Variants in INTS9 observed in about 807,000 individuals in gnomAD.
INTS9 encodes the protein protein related to CPSF subunits of 74 kDa.
A neutral mutation model predicts 79.7 loss-of-function variants in INTS9; 55 were observed. The ratio of observed to expected loss-of-function variants is 0.69; its 90% CI spans 0.56 to 0.86. The LOEUF is 0.86. Ranked by LOEUF, INTS9 falls within the 40% of genes least tolerant of loss-of-function variation. The pLI is 0.00. For synonymous variants in INTS9, 319 were observed against 325.2 expected (o/e 0.98, Z 0.20); for missense variants, 721 against 831.5 (o/e 0.87, Z 1.64).
chr8:28,787,982 GAA>G, intron 10 of INTS9, 93 bp from the exon 11 acceptor site: 1 of 709,600 alleles, frequency 1.4e-6, no homozygotes. Flanking sequence ...ATTAAATACT[GAA>G]GTTTATTTAA....
chr8:28,856,527 T>C (rs558943886), intron 2 of INTS9, among the ~76,000 whole-genome samples: 2 of 152,168 alleles, frequency 1.3e-5, no homozygotes, highest in Admixed American at 1.3e-4. Context: ...GCTCAAGTGA[T>C]CCTCCTGCCT....
intron 9 of INTS9, 129 bp downstream of exon 9, chr8:28,796,415 T>C: frequency 1.7e-6 from 1 of 590,068 alleles, no homozygotes; most frequent in East Asian, 2.8e-5. Context: ...AAAGATATAC[T>C]GCCTCCCTCC....
intron 12 of INTS9, 56 bp downstream of exon 12, chr8:28,780,767 T>C: frequency 1.3e-6 from 2 of 1,589,666 alleles, no homozygotes; most frequent in African/African-American, 1.3e-5. Context: ...TGTAGGTGCA[T>C]TCACTCATGG....
At chr8:28,783,858 A>G (rs1803436241) in intron 11 of INTS9, 1 of 152,212 alleles carries the variant, frequency 6.6e-6, no homozygotes, top group South Asian at 2.1e-4. Flanking sequence ...AAAAGGGTCT[A>G]TTGTATCCTA....
At chr8:28,780,385 CT>C in intron 12 of INTS9, 1 of 985,216 alleles carries the variant, frequency 1.0e-6, no homozygotes, top group Non-Finnish European at 1.2e-6. Context: ...TGTAAACACT[CT>C]ACTTGACCTT....
At chr8:28,799,984 G>A (rs951162192) in intron 8 of INTS9, among the ~76,000 whole-genome samples, 3 of 152,136 alleles carry the variant, frequency 2.0e-5, no homozygotes, top group South Asian at 2.1e-4. Context: ...AACATCTCCC[G>A]GACATCTCTC....
At chr8:28,803,290 C>G (rs184885214) in intron 8 of INTS9, among the ~76,000 whole-genome samples, 3 of 152,186 alleles carry the variant, frequency 2.0e-5, no homozygotes, top group Non-Finnish European at 4.4e-5. Context: ...CTTTTCAAAC[C>G]AACATAATAC....
intron 1 of INTS9, among the ~76,000 whole-genome samples, chr8:28,867,320 G>A (rs534544428): frequency 6.6e-6 from 1 of 152,312 alleles, no homozygotes; most frequent in South Asian, 2.1e-4. Context: ...TTGGGAAGCT[G>A]AGGCAGGAGA....
At chr8:28,839,681 G>T (rs1054953959) in intron 4 of INTS9, among the ~76,000 whole-genome samples, 1 of 152,148 alleles carries the variant, frequency 6.6e-6, no homozygotes, top group African/African-American at 2.4e-5. Flanking sequence ...AAAAAAATAA[G>T]CAATGGGGAA....
chr8:28,884,485 G>A (rs568758690), intron 1 of INTS9, among the ~76,000 whole-genome samples: 12 of 152,052 alleles, frequency 7.9e-5, no homozygotes, highest in South Asian at 6.2e-4. Flanking sequence ...TGCTTGGCCC[G>A]ATATATTTTT....
At chr8:28,827,454 ATGAATGAATAAG>A (rs1437927851) in intron 6 of INTS9, among the ~76,000 whole-genome samples, 3 of 152,210 alleles carry the variant, frequency 2.0e-5, no homozygotes, top group East Asian at 1.9e-4. Context: ...GAATGAATAA[ATGAATGAATAAG>A]TGAATGAACA....
intron 8 of INTS9, among the ~76,000 whole-genome samples, chr8:28,808,350 C>T (rs1804929988): frequency 6.6e-6 from 1 of 152,074 alleles, no homozygotes. Flanking sequence ...AGCACCATCA[C>T]ACCGGTTAAT....
In INTS9 at chr8:28,813,540, C is replaced by T. The variant is rs1387536375; in HGVS notation, c.561G>A (p.Val187=). 2 of 1,613,568 alleles carry T rather than the reference C, an allele frequency of 1.2e-6. No homozygotes were observed. The highest frequency in any genetic ancestry group is 2.2e-5 in the South Asian group (2 of 91,060). Residue 187 remains valine, a synonymous_variant, in exon 7 of 17, where the codon GTG becomes GTA. Coordinates refer to ENST00000521022, the MANE Select transcript of INTS9 (RefSeq NM_018250.4). ...GCTGGATTTTACTAAGGGCAGAGTT[C>T]ACCTCTTGCATTGTATAGCATCTTC... ...TWRRCYTMQE[V]NSALSKIQLV...
chr8:28,827,153 T>C (rs1483849910), intron 6 of INTS9, among the ~76,000 whole-genome samples: 1 of 152,248 alleles, frequency 6.6e-6, no homozygotes, highest in Non-Finnish European at 1.5e-5. Context: ...GAACTAGTTC[T>C]GTTTTTTCTG....
intron 8 of INTS9, among the ~76,000 whole-genome samples, chr8:28,802,726 G>T (rs888382872): frequency 3.9e-5 from 6 of 152,140 alleles, no homozygotes; most frequent in African/African-American, 1.4e-4. Context: ...ACTGCCAAGA[G>T]TAACAACAAA....
At chr8:28,770,905 T>G in intron 15 of INTS9, 77 bp downstream of exon 15, 1 of 1,017,602 alleles carries the variant, frequency 9.8e-7, no homozygotes, top group Non-Finnish European at 1.5e-6. Flanking sequence ...GAAGCGCTAT[T>G]TCAAATATAA....
At chr8:28,818,534 T>C (rs926841412) in intron 6 of INTS9, among the ~76,000 whole-genome samples, 2 of 152,236 alleles carry the variant, frequency 1.3e-5, no homozygotes, top group Admixed American at 6.5e-5. Flanking sequence ...CTTTTTGATG[T>C]GATGCTGGAT....
intron 1 of INTS9, among the ~76,000 whole-genome samples, chr8:28,863,919 C>T (rs981261859): frequency 9.9e-5 from 15 of 152,002 alleles, no homozygotes; most frequent in African/African-American, 3.4e-4. Flanking sequence ...GCCTTTTTTT[C>T]ATAGAATAAG....
At chr8:28,777,683 G>A (rs1361066994) in intron 13 of INTS9, 146 bp downstream of exon 13, 17 of 831,040 alleles carry the variant, frequency 2.0e-5, no homozygotes, top group Non-Finnish European at 2.9e-5. Flanking sequence ...GAGGGGGGCT[G>A]GCATGTGTCC....
Sources: gnomAD v4.1 joint callset for allele counts (sites outside exome capture counted in the v4.1 genomes callset) on GRCh38, gnomAD v4.1.1 for gene constraint, MANE v1.5 for transcripts, NCBI Gene and HGNC (gene_info 2026-07-23, HGNC 2026-07-21) for gene names.